Variants in CELSR1 observed in about 807,000 individuals in gnomAD.
The protein encoded by CELSR1 is cadherin EGF LAG seven-pass G-type receptor 1, also known as adhesion G protein-coupled receptor C1.
CELSR1 carries 110 observed loss-of-function variants against 249.1 expected under a neutral mutation model. That is an observed-to-expected ratio of 0.44 (90% CI 0.38 to 0.52). The LOEUF is 0.52. Ranked by LOEUF, CELSR1 falls within the 20% of genes least tolerant of loss-of-function variation. The probability of loss-of-function intolerance (pLI) is 0.00; values close to 1 mark genes in which losing one functional copy is unlikely to be tolerated. For synonymous variants in CELSR1, 2,113 were observed against 1,900.0 expected, an observed-to-expected ratio of 1.11 and a Z score of -2.92; for missense variants, 4,109 against 4,296.4, an observed-to-expected ratio of 0.96 and a Z score of 1.22.
In CELSR1 at chr22:46,506,536, C is replaced by T. The variant is rs908880208; in HGVS notation, c.3544+27091G>A. On this transcript the variant is annotated intron_variant, in intron 1 of 34. Transcript: ENST00000674500. The surrounding 1 kb of genome is among the most constrained non-coding windows in gnomAD (Gnocchi z 4.1). Reference sequence around the variant, plus strand: ...TGCCAGCCTCAGCCCCAGCCCCAGCCCCCCAAGTCTCACAAGTCCAGAGAG... The same window carrying T: ...TGCCAGCCTCAGCCCCAGCCCCAGCTCCCCAAGTCTCACAAGTCCAGAGAG... 1.3e-5 allele frequency among the ~76,000 whole-genome samples: 2 copies of T among 152,198 alleles called. No homozygotes were observed. The highest frequency in any genetic ancestry group is 4.8e-5 in the African/African-American group (2 of 41,448).
chr22:46,462,865 G>C (rs1258454431), intron 2 of CELSR1: 3 of 463,466 alleles, frequency 6.5e-6, no homozygotes, highest in African/African-American at 4.0e-5. Flanking sequence ...TGATGAGTCA[G>C]GAGGTATCAA....
intron 31 of CELSR1, 32 bp from the exon 32 acceptor site, chr22:46,365,412 G>C: frequency 6.2e-7 from 1 of 1,608,028 alleles, no homozygotes; most frequent in Non-Finnish European, 8.5e-7. Flanking sequence ...GGAGGCTCAG[G>C]CCCTGGGAGG....
At chr22:46,382,624 A>G (rs2078991075) in intron 20 of CELSR1, among the ~76,000 whole-genome samples, 1 of 152,154 alleles carries the variant, frequency 6.6e-6, no homozygotes, top group African/African-American at 2.4e-5. Flanking sequence ...CCATTCACAC[A>G]GGCCAAAAGG....
chr22:46,518,596 TA>T lies in CELSR1; in HGVS notation c.3544+15030del, dbSNP rs2080652529. 6.6e-6 allele frequency among the ~76,000 whole-genome samples: 1 copy of T among 152,108 alleles called. No individual in the cohort carries two copies. Among genetic ancestry groups the T allele is most frequent in the African/African-American group, 2.4e-5 (1 of 41,434 alleles). On this transcript the variant is annotated intron_variant, in intron 1 of 34. Transcript: ENST00000674500. This position sits in a 1 kb window ranked among gnomAD's most constrained non-coding sequence, Gnocchi z 5.2. ...CTGTGGATGTGACCTAACTTGGAAA[TA>T]AAGGCTGCAGATGAAGATATAAATT... is the stretch of plus-strand genomic sequence containing the variant.
At position 46,366,508 on chromosome 22, in the gene CELSR1, G is replaced by A. The variant is rs2078784280; in HGVS notation, c.8206-28C>T. On this transcript the variant is annotated intron_variant, in intron 29 of 34. Coordinates refer to ENST00000674500, the MANE Select transcript of CELSR1 (RefSeq NM_001378328.1). Reference sequence around the variant, plus strand: ...GAAGGGAGGGGAGGGGCTGGTCACTGCCAAGTGGTGGCCACCACATGACCA... The same window carrying A: ...GAAGGGAGGGGAGGGGCTGGTCACTACCAAGTGGTGGCCACCACATGACCA... 8 of 1,515,976 alleles carry A rather than the reference G, an allele frequency of 5.3e-6. No individual in the cohort carries two copies. The South Asian group carries it at 8.4e-5, about 16-fold the overall frequency. 93.9% of individuals were successfully genotyped at this position (1,515,976 alleles called of 1,614,324 possible).
At chr22:46,466,016 G>A (rs1291727170) in intron 1 of CELSR1, among the ~76,000 whole-genome samples, 2 of 152,172 alleles carry the variant, frequency 1.3e-5, no homozygotes, top group Admixed American at 6.5e-5. Context: ...TGGGGAGGGC[G>A]CCTCTGGCTC....
chr22:46,405,197 G>A (rs12167739), intron 9 of CELSR1, among the ~76,000 whole-genome samples: 14,972 of 150,426 alleles, frequency 0.1, 2,289 homozygotes, highest in African/African-American at 0.33. Context: ...ACAGTGGCTC[G>A]TGCCTGTAAT....
At chr22:46,524,565 T>C (rs1262082141) in intron 1 of CELSR1, among the ~76,000 whole-genome samples, 1 of 61,998 alleles carries the variant, frequency 1.6e-5, no homozygotes, top group African/African-American at 3.6e-5. Context: ...TGTGTGTGTG[T>C]GTGTGTCTGT....
chr22:46,510,836 G>A (rs1258720410), intron 1 of CELSR1, among the ~76,000 whole-genome samples: 1 of 152,082 alleles, frequency 6.6e-6, no homozygotes, highest in Non-Finnish European at 1.5e-5. Flanking sequence ...TGCTGGCCGG[G>A]TGCGGTGGCT....
Position 46,534,553 on chromosome 22 carries a change from G to A in CELSR1, c.2618C>T (p.Ser873Leu). The change falls in exon 1 of 35, where the codon TCA becomes TTA. Residue 873 changes from serine (S) to leucine (L), a missense_variant. Physicochemically the swap from Ser to Leu is moderately radical, Grantham distance 145. Transcript: ENST00000674500. This position sits in a 1 kb window ranked among gnomAD's most constrained non-coding sequence, Gnocchi z 9.7. Reference protein sequence around the residue: ...MAQDNGIPQKSDTTTLEILIL... With the variant: ...MAQDNGIPQKLDTTTLEILIL... ...GAGGATCTCTAGGGTGGTGGTGTCT[G>A]ATTTCTGCGGGATGCCGTTGTCCTG... 6.2e-7 allele frequency: 1 copy of A among 1,613,704 alleles called. No homozygotes were observed. The highest frequency in any genetic ancestry group is 8.5e-7 in the Non-Finnish European group (1 of 1,180,038).
chr22:46,456,607 G>C (rs1030288648), intron 2 of CELSR1, among the ~76,000 whole-genome samples: 4 of 142,320 alleles, frequency 2.8e-5, no homozygotes, highest in Non-Finnish European at 6.1e-5. Context: ...AGCTTGCAGT[G>C]AGCCGAGATT....
Position 46,378,662 on chromosome 22 carries a change from G to A in CELSR1, c.7312C>T (p.Arg2438Trp), listed in dbSNP as rs750422100. The change falls in exon 23 of 35, where the codon CGG becomes TGG. Residue 2438 changes from arginine to tryptophan, a missense_variant. By Grantham distance (101) the Arg-to-Trp change is moderately radical. This residue lies in a region of CELSR1 where 1,805 missense variants were observed against 1,831.6 expected (regional missense o/e 0.99). Coordinates refer to ENST00000674500, the MANE Select transcript of CELSR1 (RefSeq NM_001378328.1). ...ARGCELLSRNRTHVACQCSHT... is the reference protein window; with the variant it reads ...ARGCELLSRNWTHVACQCSHT... ...CTGCACTGGCAGGCGACATGTGTCC[G>A]GTTCCTGGACAGGAGCTCGCAGCCC... is the stretch of plus-strand genomic sequence containing the variant. The A allele has an allele frequency of 1.6e-5, 25 of 1,610,408 alleles. No homozygotes were observed. Among genetic ancestry groups the A allele is most frequent in the Admixed American group, 5.0e-5 (3 of 59,710 alleles).
In CELSR1 at chr22:46,365,143, T is replaced by C. The variant is rs889489153; in HGVS notation, c.8554+88A>G. 5.3e-6 allele frequency: 8 copies of C among 1,495,712 alleles called. No homozygotes were observed. In the Admixed American group the frequency reaches 1.2e-4, roughly 23 times the overall value. The allele number at this position is 1,495,712 out of a possible 1,614,324, so 92.7% of individuals were successfully genotyped here. A position where few individuals can be genotyped will look rare whatever the true frequency, so the allele number is the denominator to read the frequency against. ...GGCTGCAGTGCTGCTGGGCATATCC[T>C]GGGAGGAAGGGACCCAGCCATAGCC... On this transcript the variant is annotated intron_variant, in intron 32 of 34. Transcript: ENST00000674500.
rs1382423352 is a variant in CELSR1 at position 46,385,335 on chromosome 22, A to C, written c.6740-649T>G. The stretch of plus-strand genomic sequence containing the variant: ...TGGTTTCGAACTCCTGGGCTCAAGC[A>C]ATCTGCCCATCTCAGCCTCCCAGTG... On this transcript the variant is annotated intron_variant, in intron 19 of 34. Coordinates refer to ENST00000674500, the MANE Select transcript of CELSR1 (RefSeq NM_001378328.1). Among the ~76,000 whole-genome samples the C allele has an allele frequency of 3.9e-5, 6 of 151,992 alleles. No individual in the cohort carries two copies. In the East Asian group the frequency reaches 1.2e-3, roughly 29 times the overall value.
chr22:46,409,660 G>T lies in CELSR1; in HGVS notation c.5059+95C>A. 1.4e-6 allele frequency: 2 copies of T among 1,475,324 alleles called. No individual in the cohort carries two copies. Among genetic ancestry groups the T allele is most frequent in the African/African-American group, 1.4e-5 (1 of 72,398 alleles). 91.4% of individuals were successfully genotyped at this position (1,475,324 alleles called of 1,614,324 possible). A position where few individuals can be genotyped will look rare whatever the true frequency, so the allele number is the denominator to read the frequency against. ...ATACCACCAGAGGCTGCCGGACCTG[G>T]ATGTGAAGCCCCCTCACGGTGGTCC... On this transcript the variant is annotated intron_variant, in intron 8 of 34. Coordinates refer to ENST00000674500, the MANE Select transcript of CELSR1 (RefSeq NM_001378328.1). This position sits in a 1 kb window ranked among gnomAD's most constrained non-coding sequence, Gnocchi z 9.8.
In CELSR1 at chr22:46,408,554, C is replaced by G. The variant is rs1457209310; in HGVS notation, c.5226+442G>C. On this transcript the variant is annotated intron_variant, in intron 9 of 34. Transcript: ENST00000674500. This position sits in a 1 kb window ranked among gnomAD's most constrained non-coding sequence, Gnocchi z 4.6. The stretch of plus-strand genomic sequence containing the variant: ...TTCACCATGTTGGCCAGGCTGGTCT[C>G]GAACTTCTGACCTCAGGTGATCCGC... Among the ~76,000 whole-genome samples, 1 of 152,218 alleles carries G rather than the reference C, an allele frequency of 6.6e-6. No homozygotes were observed. The highest frequency in any genetic ancestry group is 1.5e-5 in the Non-Finnish European group (1 of 68,032).
In CELSR1 at chr22:46,460,470, G is replaced by A. The variant is rs532008355; in HGVS notation, c.4183+3237C>T. ...GGGGAGGAGACACATTTCAGATGAA[G>A]GGATGGCAGGTGCAGAGGGGAGACG... On this transcript the variant is annotated intron_variant, in intron 2 of 34. Transcript: ENST00000674500. Among the ~76,000 whole-genome samples, 6 of 152,318 alleles carry A rather than the reference G, an allele frequency of 3.9e-5. No individual in the cohort carries two copies. The East Asian group carries it at 1.2e-3, about 29-fold the overall frequency.
chr22:46,415,978 A>C (rs112223979), intron 5 of CELSR1, among the ~76,000 whole-genome samples: 2 of 152,212 alleles, frequency 1.3e-5, no homozygotes, highest in Non-Finnish European at 2.9e-5. Context: ...GGCGGCAGAG[A>C]AAAGACTACG....
In CELSR1 at chr22:46,429,669, G is replaced by C. The variant is rs1244225950; in HGVS notation, c.4611+3724C>G. Among the ~76,000 whole-genome samples the C allele has an allele frequency of 6.6e-6, 1 of 152,226 alleles. No individual in the cohort carries two copies. Among genetic ancestry groups the C allele is most frequent in the Non-Finnish European group, 1.5e-5 (1 of 68,034 alleles). ...AGGGTTCCCTACCCCATGGCTTCTGGTGGCTTTGGCCAGTGGGGAGCCAGA... is the reference window on the plus strand; with the variant it reads ...AGGGTTCCCTACCCCATGGCTTCTGCTGGCTTTGGCCAGTGGGGAGCCAGA... On this transcript the variant is annotated intron_variant, in intron 5 of 34. Coordinates refer to ENST00000674500, the MANE Select transcript of CELSR1 (RefSeq NM_001378328.1). This position sits in a 1 kb window ranked among gnomAD's most constrained non-coding sequence, Gnocchi z 4.1.
Sources: gnomAD v4.1 joint callset for allele counts (sites outside exome capture counted in the v4.1 genomes callset) on GRCh38, gnomAD v4.1.1 for gene constraint, gnomAD v4.1.1 regional missense constraint, Gnocchi (gnomAD v3.1) non-coding constraint, MANE v1.5 for transcripts, NCBI Gene and HGNC (gene_info 2026-07-23, HGNC 2026-07-21) for gene names.